MLXIPL: variants seen among roughly 807,000 people sequenced by gnomAD.
MLXIPL encodes the protein carbohydrate-responsive element-binding protein.
MLXIPL carries 49 observed loss-of-function variants against 81.5 expected under a neutral mutation model. The observed-to-expected ratio is 0.60, with a 90% CI of 0.48 to 0.76. The LOEUF is 0.76. Among genes scored for constraint, MLXIPL ranks in the 30% least tolerant of loss-of-function variants. The pLI is 0.00. For synonymous variants in MLXIPL, 466 were observed against 485.5 expected (o/e 0.96, Z 0.53); for missense variants, 1,053 against 1,167.0 (o/e 0.90, Z 1.42).
At chr7:73,607,229 C>CT in intron 4 of MLXIPL, 102 bp downstream of exon 4, 1 of 1,347,768 alleles carries the variant, frequency 7.4e-7, no homozygotes, top group Non-Finnish European at 1.0e-6. Context: ...GGGGCGCAAG[C>CT]TCGGGGGTCA....
upstream of MLXIPL, among the ~76,000 whole-genome samples, chr7:73,629,057 T>C (rs1322307818): frequency 6.6e-6 from 1 of 151,802 alleles, no homozygotes; most frequent in East Asian, 1.9e-4. Flanking sequence ...CTTTTTTTTT[T>C]TTTGAGACCA....
chr7:73,619,298 T>G (rs1355683879), intron 1 of MLXIPL, among the ~76,000 whole-genome samples: 6 of 151,628 alleles, frequency 4.0e-5, no homozygotes, highest in African/African-American at 1.5e-4. Context: ...CCGTCTCTAC[T>G]AAAAATACAA....
In MLXIPL at chr7:73,597,705, G is replaced by C. The variant is rs782298020; in HGVS notation, c.1080C>G (p.Asn360Lys). Residue 360 changes from asparagine (N) to lysine (K), a missense_variant, in exon 9 of 17, where the codon AAC becomes AAG. Asn to Lys is a moderately conservative substitution (Grantham distance 94, BLOSUM62 0). Transcript: ENST00000313375. ...LSGHSRLQAR[N>K]SCPGPLDSSA... ...TGGAGTCCAAGGGGCCAGGGCAGCT[G>C]TTCCGAGCCTGGTTGGGGGGACAGA... is the stretch of plus-strand genomic sequence containing the variant. 52 of 1,346,332 alleles carry C rather than the reference G, an allele frequency of 3.9e-5. No individual in the cohort carries two copies. The highest frequency in any genetic ancestry group is 4.8e-5 in the Non-Finnish European group (51 of 1,052,292). 83.4% of individuals were successfully genotyped at this position (1,346,332 alleles called of 1,614,324 possible).
chr7:73,597,766 G>C, intron 8 of MLXIPL, 53 bp from the exon 9 acceptor site: 1 of 1,283,272 alleles, frequency 7.8e-7, no homozygotes, highest in Non-Finnish European at 9.9e-7. Context: ...AGCTGCCCCT[G>C]GCAGCCATCT....
Position 73,596,146 on chromosome 7 carries a change from G to A in MLXIPL, c.2058+7C>T, listed in dbSNP as rs1208787040. On this transcript the variant is annotated splice_region_variant and intron_variant, in intron 13 of 16. Transcript: ENST00000313375. The surrounding 1 kb of genome is among the most constrained non-coding windows in gnomAD (Gnocchi z 4.7). ...TTTGGGGGTGCCAGCCTGGGCCCGG[G>A]GCTCACCTTGAGGCTGGGCTGGGCA... The A allele has an allele frequency of 2.5e-6, 4 of 1,611,734 alleles. No homozygotes were observed. The highest frequency in any genetic ancestry group is 3.4e-6 in the Non-Finnish European group (4 of 1,179,712).
At chr7:73,634,784 G>A in the MLXIPL span, among the ~76,000 whole-genome samples, 1 of 136,900 alleles carries the variant, frequency 7.3e-6, no homozygotes, top group Non-Finnish European at 1.6e-5. Flanking sequence ...CACTTTTATA[G>A]GCTTTCTGCT....
chr7:73,604,398 C>T (rs1795124204), intron 7 of MLXIPL, among the ~76,000 whole-genome samples: 1 of 151,530 alleles, frequency 6.6e-6, no homozygotes, highest in Admixed American at 6.6e-5. Context: ...ACAGGGAGGC[C>T]CTGTCTCTTC....
chr7:73,645,731 GGGCTT>G, the MLXIPL span, among the ~76,000 whole-genome samples: 1 of 152,308 alleles, frequency 6.6e-6, no homozygotes, highest in East Asian at 1.9e-4. Context: ...GAGGAGGACA[GGGCTT>G]GCCAAGGTCA....
chr7:73,622,597 G>A (rs1051055260), intron 1 of MLXIPL, among the ~76,000 whole-genome samples: 16 of 152,064 alleles, frequency 1.1e-4, no homozygotes, highest in Non-Finnish European at 2.1e-4. Context: ...GAGAACCTTG[G>A]CCTCCTAAAG....
At chr7:73,619,502 A>T (rs1363568551) in intron 1 of MLXIPL, among the ~76,000 whole-genome samples, 6 of 149,462 alleles carry the variant, frequency 4.0e-5, no homozygotes, top group African/African-American at 1.2e-4. Flanking sequence ...GGTGGTGCAA[A>T]CCTCTAGTCT....
chr7:73,602,199 C>T (rs13243875), intron 7 of MLXIPL, among the ~76,000 whole-genome samples: 1 of 110,246 alleles, frequency 9.1e-6, no homozygotes, highest in African/African-American at 3.6e-5. Flanking sequence ...TCATCTCTCT[C>T]TCTCTCTTTC....
At chr7:73,628,959 C>A (rs1796794684), upstream of MLXIPL, among the ~76,000 whole-genome samples, 1 of 152,178 alleles carries the variant, frequency 6.6e-6, no homozygotes, top group African/African-American at 2.4e-5. Context: ...TTGGGAAAGC[C>A]CACCTGTCCT....
chr7:73,610,434 CA>C (rs1795617406), intron 2 of MLXIPL: 1 of 81,824 alleles, frequency 1.2e-5, no homozygotes, highest in East Asian at 2.3e-4. Context: ...CCCCCTCCTC[CA>C]TGACTGGGCC....
intron 5 of MLXIPL, 83 bp from the exon 6 acceptor site, chr7:73,606,194 G>A (rs1281748089): frequency 2.2e-5 from 31 of 1,404,218 alleles, no homozygotes; most frequent in South Asian, 3.7e-5. Context: ...GGGTCAAGTG[G>A]TCAGCAGGAC....
the MLXIPL span, among the ~76,000 whole-genome samples, chr7:73,647,248 C>A: frequency 4.6e-5 from 7 of 152,180 alleles, no homozygotes; most frequent in Non-Finnish European, 8.8e-5. Context: ...AGCCTAGGGG[C>A]CAGAATCCAC....
chr7:73,610,227 C>G (rs1473643599), intron 2 of MLXIPL: 1 of 152,302 alleles, frequency 6.6e-6, no homozygotes, highest in African/African-American at 2.4e-5. Context: ...CCTCCATCCT[C>G]TCTCACTGTG....
intron 2 of MLXIPL, among the ~76,000 whole-genome samples, chr7:73,615,348 C>T (rs1554600560): frequency 2.0e-5 from 3 of 152,178 alleles, no homozygotes; most frequent in South Asian, 4.1e-4. Flanking sequence ...GCGGGATCCT[C>T]AGTTTCTCCA....
intron 2 of MLXIPL, among the ~76,000 whole-genome samples, chr7:73,614,190 A>G (rs1478174949): frequency 6.6e-6 from 1 of 152,112 alleles, no homozygotes; most frequent in Non-Finnish European, 1.5e-5. Flanking sequence ...GCACTCCAGC[A>G]TGGGCAACAT....
intron 7 of MLXIPL, among the ~76,000 whole-genome samples, chr7:73,601,663 T>C (rs1456126145): frequency 1.3e-5 from 2 of 152,102 alleles, no homozygotes; most frequent in Non-Finnish European, 2.9e-5. Context: ...CCCGAGTAGC[T>C]GGGATTACAG....
Sources: gnomAD v4.1 joint callset for allele counts (sites outside exome capture counted in the v4.1 genomes callset) on GRCh38, gnomAD v4.1.1 for gene constraint, Gnocchi (gnomAD v3.1) non-coding constraint, MANE v1.5 for transcripts, NCBI Gene and HGNC (gene_info 2026-07-23, HGNC 2026-07-21) for gene names.